Variants in MTPN observed in about 807,000 individuals in gnomAD.
The protein encoded by MTPN is myotrophin, also known as granule cell differentiation protein.
In MTPN, 2 loss-of-function variants were observed where a neutral mutation model predicts 13.5. That is an observed-to-expected ratio of 0.15 (90% CI 0.06 to 0.47). The LOEUF (loss-of-function observed/expected upper bound fraction) is 0.47. Ranked by LOEUF, MTPN falls within the 20% of genes least tolerant of loss-of-function variation. The pLI, the probability that MTPN is intolerant of heterozygous loss-of-function variation, is 0.97. For missense variants in MTPN, 79 were observed against 137.9 expected, an observed-to-expected ratio of 0.57 and a Z score of 2.14; for synonymous variants, 46 against 51.7, an observed-to-expected ratio of 0.89 and a Z score of 0.48.
intron 1 of MTPN, among the ~76,000 whole-genome samples, chr7:135,960,406 G>A (rs1191626904): frequency 3.3e-5 from 5 of 151,832 alleles, no homozygotes; most frequent in East Asian, 3.9e-4. Context: ...ATAAAAGATC[G>A]GGTGAACAAA....
intron 3 of MTPN, among the ~76,000 whole-genome samples, chr7:135,947,023 C>T (rs1799297312): frequency 6.6e-6 from 1 of 152,196 alleles, no homozygotes; most frequent in Non-Finnish European, 1.5e-5. Context: ...TTCTCAGGTA[C>T]TCTGGATTTG....
intron 3 of MTPN, among the ~76,000 whole-genome samples, chr7:135,934,827 C>T (rs577129166): frequency 1.3e-5 from 2 of 152,290 alleles, no homozygotes; most frequent in South Asian, 2.1e-4. Context: ...TTCTACTCTC[C>T]CCTGCCTTCC....
chr7:135,936,722 G>A (rs1030354805), intron 3 of MTPN, among the ~76,000 whole-genome samples: 4 of 152,142 alleles, frequency 2.6e-5, no homozygotes, highest in Non-Finnish European at 5.9e-5. Context: ...ATCAGAACTA[G>A]GTTCATTTGC....
chr7:135,937,267 A>G (rs569190004), intron 3 of MTPN, among the ~76,000 whole-genome samples: 2 of 152,234 alleles, frequency 1.3e-5, no homozygotes, highest in South Asian at 4.1e-4. Flanking sequence ...TGACAGAATA[A>G]CAAGCAGCTT....
At chr7:135,952,094 T>C (rs1799371634) in intron 1 of MTPN, among the ~76,000 whole-genome samples, 1 of 152,166 alleles carries the variant, frequency 6.6e-6, no homozygotes, top group African/African-American at 2.4e-5. Flanking sequence ...TCATTTAACA[T>C]TCAGTAGAGC....
At chr7:135,976,666 C>T (rs1199392757) in intron 1 of MTPN, among the ~76,000 whole-genome samples, 1 of 148,372 alleles carries the variant, frequency 6.7e-6, no homozygotes, top group African/African-American at 2.6e-5. Context: ...AGAATTACCT[C>T]ATTCAAAGAA....
intron 1 of MTPN, among the ~76,000 whole-genome samples, chr7:135,973,020 C>T (rs529974791): frequency 6.6e-6 from 1 of 150,876 alleles, no homozygotes; most frequent in East Asian, 2.0e-4. Flanking sequence ...AAAGCAAGCC[C>T]AGATAATAGT....
chr7:135,969,088 TGGGG>T (rs71174565), intron 1 of MTPN, among the ~76,000 whole-genome samples: 1 of 33,604 alleles, frequency 3.0e-5, no homozygotes, highest in Admixed American at 3.9e-4. Flanking sequence ...TGTTGTGGGG[TGGGG>T]GGGGGGGAGG....
chr7:135,949,314 T>C (rs1799328957), intron 3 of MTPN, among the ~76,000 whole-genome samples: 2 of 152,182 alleles, frequency 1.3e-5, no homozygotes, highest in South Asian at 2.1e-4. Context: ...AGGTACTTTG[T>C]AATCCTTTCG....
At chr7:135,964,237 C>T (rs1799572274) in intron 1 of MTPN, among the ~76,000 whole-genome samples, 1 of 152,008 alleles carries the variant, frequency 6.6e-6, no homozygotes. Context: ...ATCCATATTT[C>T]ATGTATTAAA....
At chr7:135,968,936 A>G (rs1272848325) in intron 1 of MTPN, among the ~76,000 whole-genome samples, 1 of 151,986 alleles carries the variant, frequency 6.6e-6, no homozygotes, top group Admixed American at 6.6e-5. Flanking sequence ...ATAGAAAAAG[A>G]GCAAGAAATC....
chr7:135,928,431 C>T lies in MTPN; in HGVS notation c.*1495G>A, dbSNP rs1335668496. On this transcript the variant is annotated 3_prime_UTR_variant, in exon 4 of 4. Coordinates refer to ENST00000393085, the MANE Select transcript of MTPN (RefSeq NM_145808.4). The stretch of plus-strand genomic sequence containing the variant: ...AATAGATTAACCCTGCTGTAGAATG[C>T]TATGTTGCCTTTAAAAACCAATTCA... 1.2e-5 allele frequency: 2 copies of T among 166,996 alleles called. No individual in the cohort carries two copies. The highest frequency in any genetic ancestry group is 4.8e-5 in the African/African-American group (2 of 41,430). The allele number at this position is 166,996 out of a possible 1,614,324, so 10.3% of individuals were successfully genotyped here.
At chr7:135,933,098 C>CAAAAAAAAA (rs56865854) in intron 3 of MTPN, among the ~76,000 whole-genome samples, 2 of 63,064 alleles carry the variant, frequency 3.2e-5, no homozygotes, top group East Asian at 4.8e-4. Context: ...CACTCAGCCT[C>CAAAAAAAAA]AAAAAAAAAA....
intron 3 of MTPN, among the ~76,000 whole-genome samples, chr7:135,945,018 T>G (rs1017794685): frequency 1.3e-5 from 2 of 152,234 alleles, no homozygotes; most frequent in African/African-American, 4.8e-5. Flanking sequence ...CAAACCTATA[T>G]CCAGTATGTT....
Position 135,927,428 on chromosome 7 carries a change from G to C in MTPN, c.*2498C>G, listed in dbSNP as rs1562926500. The C allele has an allele frequency of 6.5e-7, 1 of 1,538,300 alleles. No individual in the cohort carries two copies. Among genetic ancestry groups the C allele is most frequent in the South Asian group, 1.2e-5 (1 of 80,948 alleles). ...ACTACCTGTTTGTACTTGATATAGT[G>C]CATATGAAATGACTGATTTAATACA... On this transcript the variant is annotated 3_prime_UTR_variant, in exon 4 of 4. Transcript: ENST00000393085.
chr7:135,962,363 A>G (rs1218167388), intron 1 of MTPN, among the ~76,000 whole-genome samples: 1 of 151,984 alleles, frequency 6.6e-6, no homozygotes, highest in Non-Finnish European at 1.5e-5. Context: ...AACCAAACCA[A>G]TACTAAATCT....
intron 3 of MTPN, among the ~76,000 whole-genome samples, chr7:135,944,186 G>A (rs1238533187): frequency 6.6e-6 from 1 of 152,068 alleles, no homozygotes; most frequent in Non-Finnish European, 1.5e-5. Context: ...GATAAAAGAA[G>A]TAAATAATTA....
intron 1 of MTPN, among the ~76,000 whole-genome samples, chr7:135,970,214 GA>G (rs1164449012): frequency 2.6e-5 from 4 of 152,196 alleles, no homozygotes; most frequent in Non-Finnish European, 5.9e-5. Flanking sequence ...GCAAAGTGCA[GA>G]AGTGTTTACA....
rs1798944463 is a variant in MTPN, at chr7:135,927,702, T to C, written c.*2224A>G. The C allele has an allele frequency of 1.9e-6, 1 of 532,722 alleles. No individual in the cohort carries two copies. Among genetic ancestry groups the C allele is most frequent in the African/African-American group, 1.9e-5 (1 of 52,408 alleles). 33.0% of individuals were successfully genotyped at this position (532,722 alleles called of 1,614,324 possible). A position where few individuals can be genotyped will look rare whatever the true frequency, so the allele number is the denominator to read the frequency against. ...TGGTCAGTCTATTCTATTCTATGTT[T>C]ATATGTTATTTTCTCAAGCAATCGC... On this transcript the variant is annotated 3_prime_UTR_variant, in exon 4 of 4. Transcript: ENST00000393085.
Sources: gnomAD v4.1 joint callset for allele counts (sites outside exome capture counted in the v4.1 genomes callset) on GRCh38, gnomAD v4.1.1 for gene constraint, MANE v1.5 for transcripts, NCBI Gene and HGNC (gene_info 2026-07-23, HGNC 2026-07-21) for gene names.